Variants in CDC42BPB observed in about 807,000 individuals in gnomAD.
The protein encoded by CDC42BPB is CDC42 binding protein kinase beta.
CDC42BPB carries 37 observed loss-of-function variants against 214.9 expected under a neutral mutation model. That is an observed-to-expected ratio of 0.17 (90% confidence interval 0.13 to 0.23). The LOEUF (loss-of-function observed/expected upper bound fraction) is 0.23. Among genes scored for constraint, CDC42BPB ranks in the 10% least tolerant of loss-of-function variants. The pLI is 1.00. For synonymous variants in CDC42BPB, 931 were observed against 884.0 expected, an observed-to-expected ratio of 1.05 and a Z score of -0.94; for missense variants, 1,694 against 2,227.0, an observed-to-expected ratio of 0.76 and a Z score of 4.82.
chr14:102,942,706 G>C (rs1290043715), intron 30 of CDC42BPB, among the ~76,000 whole-genome samples: 1 of 152,060 alleles, frequency 6.6e-6, no homozygotes, highest in Non-Finnish European at 1.5e-5. Flanking sequence ...CACCGTGCCT[G>C]GCTAGTTTGT....
chr14:102,940,242 G>C lies in CDC42BPB; in HGVS notation c.4491C>G (p.Thr1497=). 1 of 1,601,698 alleles carries C rather than the reference G, an allele frequency of 6.2e-7. No homozygotes were observed. The highest frequency in any genetic ancestry group is 1.3e-5 in the African/African-American group (1 of 74,878). ...GCCGCCTTACCCTCCGCAGGCCGATGGTCTGCACCCACTCCATGGTGCGCA... is the reference window on the plus strand; with the variant it reads ...GCCGCCTTACCCTCCGCAGGCCGATCGTCTGCACCCACTCCATGGTGCGCA... The part of the protein sequence containing the change: ...FDVRTMEWVQ[T]IGLRRIRPLN... Residue 1497 remains threonine (T), a synonymous_variant, in exon 31 of 37, where the codon ACC becomes ACG. Coordinates refer to ENST00000361246, the MANE Select transcript of CDC42BPB (RefSeq NM_006035.4).
At chr14:103,012,251 A>G in intron 1 of CDC42BPB, 63 bp from the exon 2 acceptor site, 1 of 1,510,272 alleles carries the variant, frequency 6.6e-7, no homozygotes, top group Non-Finnish European at 9.0e-7. Context: ...TAAAAATTTA[A>G]TTGAGTGGGG....
In CDC42BPB at chr14:102,947,707, TG is replaced by T; in HGVS notation, c.3531+13del. 1.3e-6 allele frequency: 2 copies of T among 1,599,452 alleles called. No homozygotes were observed. The highest frequency in any genetic ancestry group is 2.7e-5 in the African/African-American group (2 of 74,740). ...CCATGTGCTTTGTTAAAAAGATTAA[TG>T]AAAAATTCATACCCTGAATATACAT... is the stretch of plus-strand genomic sequence containing the variant. On this transcript the variant is annotated intron_variant, in intron 27 of 36. Coordinates refer to ENST00000361246, the MANE Select transcript of CDC42BPB (RefSeq NM_006035.4).
At chr14:102,998,095 C>T (rs1191947271) in intron 5 of CDC42BPB, among the ~76,000 whole-genome samples, 2 of 152,174 alleles carry the variant, frequency 1.3e-5, no homozygotes, top group Non-Finnish European at 2.9e-5. Context: ...CCACTGCACT[C>T]CAGCCTGGGT....
intron 27 of CDC42BPB, among the ~76,000 whole-genome samples, chr14:102,947,116 G>C (rs866228179): frequency 2.0e-5 from 3 of 152,198 alleles, no homozygotes; most frequent in Non-Finnish European, 4.4e-5. Context: ...AACAATGATG[G>C]TAATTTCCTG....
intron 3 of CDC42BPB, among the ~76,000 whole-genome samples, chr14:103,006,518 T>A (rs970219733): frequency 1.3e-5 from 2 of 152,262 alleles, no homozygotes; most frequent in Admixed American, 1.3e-4. Flanking sequence ...AAACTTTTAG[T>A]ATTTTTTAAC....
intron 26 of CDC42BPB, among the ~76,000 whole-genome samples, chr14:102,949,006 T>C (rs1892352852): frequency 6.6e-6 from 1 of 152,002 alleles, no homozygotes; most frequent in African/African-American, 2.4e-5. Flanking sequence ...CAAGAACCAA[T>C]GCTACAGATG....
At chr14:102,966,169 G>C in intron 18 of CDC42BPB, 113 bp downstream of exon 18, 1 of 730,010 alleles carries the variant, frequency 1.4e-6, no homozygotes, top group East Asian at 2.9e-5. Flanking sequence ...TGGTTACACA[G>C]AAGTCTCTTG....
At chr14:102,966,217 A>G in intron 18 of CDC42BPB, 65 bp downstream of exon 18, 2 of 1,234,076 alleles carry the variant, frequency 1.6e-6, no homozygotes, top group Non-Finnish European at 2.4e-6. Flanking sequence ...TATATGTCAC[A>G]TTTATACTTA....
chr14:102,966,526 G>A (rs1893210197), intron 17 of CDC42BPB, 139 bp from the exon 18 acceptor site: 2 of 1,446,298 alleles, frequency 1.4e-6, no homozygotes, highest in Non-Finnish European at 1.8e-6. Context: ...TGTACCCGTT[G>A]TATACACGGG....
intron 9 of CDC42BPB, 33 bp downstream of exon 9, chr14:102,978,093 T>C (rs1595487622): frequency 6.7e-7 from 1 of 1,502,766 alleles, no homozygotes; most frequent in East Asian, 2.3e-5. Context: ...ACAGGGGAAG[T>C]GTCTCCCTGG....
intron 5 of CDC42BPB, among the ~76,000 whole-genome samples, chr14:102,989,698 CCT>C (rs1295858611): frequency 6.6e-6 from 1 of 151,976 alleles, no homozygotes; most frequent in Non-Finnish European, 1.5e-5. Context: ...CATGGAGTAC[CCT>C]GTCTTTATTA....
chr14:103,049,826 G>T (rs1206486982), intron 1 of CDC42BPB, among the ~76,000 whole-genome samples: 1 of 152,174 alleles, frequency 6.6e-6, no homozygotes, highest in Non-Finnish European at 1.5e-5. Flanking sequence ...TGATTCTCCT[G>T]CCTCAGCCTC....
In CDC42BPB at chr14:102,968,555, C is replaced by A. The variant is rs943802387; in HGVS notation, c.2157G>T (p.Val719=). ...VLEVKNVKKE[V]HDSESHQLAL... ...CCAGCTGGTGGCTTTCTGAATCATG[C>A]ACCTCCTTCTTCACATTTTTCACTT... Residue 719 remains valine, a synonymous_variant, in exon 15 of 37, where the codon GTG becomes GTT. Transcript: ENST00000361246. The A allele has an allele frequency of 3.7e-6, 6 of 1,614,178 alleles. No homozygotes were observed. The highest frequency in any genetic ancestry group is 5.1e-6 in the Non-Finnish European group (6 of 1,180,042).
chr14:102,952,722 C>A, intron 23 of CDC42BPB, 119 bp from the exon 24 acceptor site: 1 of 1,479,168 alleles, frequency 6.8e-7, no homozygotes, highest in East Asian at 2.5e-5. Context: ...TGGAAATGTG[C>A]AAGTTCTGGT....
At chr14:103,032,075 G>A (rs762813814) in intron 1 of CDC42BPB, among the ~76,000 whole-genome samples, 17 of 151,590 alleles carry the variant, frequency 1.1e-4, no homozygotes, top group Non-Finnish European at 2.4e-4. Flanking sequence ...ACCAGCCGGC[G>A]GCCAGCCTTG....
At chr14:102,940,624 A>T in intron 30 of CDC42BPB, 2 of 532,614 alleles carry the variant, frequency 3.8e-6, no homozygotes, top group South Asian at 4.8e-5. Context: ...TTTAGCTCTC[A>T]TGAGATGTGA....
chr14:103,025,408 A>T (rs1369034746), intron 1 of CDC42BPB, among the ~76,000 whole-genome samples: 1 of 152,024 alleles, frequency 6.6e-6, no homozygotes, highest in Non-Finnish European at 1.5e-5. Context: ...TGTTCAAAGC[A>T]GCTTTACTCA....
chr14:103,027,052 T>C (rs1053550803), intron 1 of CDC42BPB, among the ~76,000 whole-genome samples: 3 of 152,178 alleles, frequency 2.0e-5, no homozygotes, highest in Non-Finnish European at 4.4e-5. Flanking sequence ...AAAGAAGATA[T>C]ATTAATACAA....
Sources: allele counts gnomAD v4.1 joint callset (sites outside exome capture counted in the v4.1 genomes callset), GRCh38; gene constraint gnomAD v4.1.1; transcripts MANE v1.5; gene names NCBI Gene and HGNC (gene_info 2026-07-23, HGNC 2026-07-21).